The following NR2F1-AS1 variants were observed in gnomAD, a reference collection of about 807,000 sequenced individuals.
NR2F1-AS1 encodes NR2F1 antisense RNA 1.
intron 4 of NR2F1-AS1, among the ~76,000 whole-genome samples, chr5:93,467,082 A>C (rs995630235): frequency 3.9e-5 from 6 of 152,036 alleles, no homozygotes; most frequent in Non-Finnish European, 7.4e-5. Flanking sequence ...CTGTAGTTTT[A>C]GTAGAGATGC....
At chr5:93,540,744 AAC>A (rs1176275456) in intron 4 of NR2F1-AS1, among the ~76,000 whole-genome samples, 1 of 152,196 alleles carries the variant, frequency 6.6e-6, no homozygotes, top group African/African-American at 2.4e-5. Flanking sequence ...AAAAATTTAA[AAC>A]ACACACACAA....
At chr5:93,514,133 A>G (rs933314989) in intron 4 of NR2F1-AS1, among the ~76,000 whole-genome samples, 4 of 152,252 alleles carry the variant, frequency 2.6e-5, no homozygotes, top group East Asian at 1.9e-4. Flanking sequence ...CAAAGTCAGC[A>G]TAACACTGCT....
chr5:93,507,310 T>G (rs958003526), intron 4 of NR2F1-AS1, among the ~76,000 whole-genome samples: 1 of 150,150 alleles, frequency 6.7e-6, no homozygotes, highest in African/African-American at 2.4e-5. Flanking sequence ...TCCTAACCAG[T>G]TTTTTGGGAT....
intron 4 of NR2F1-AS1, among the ~76,000 whole-genome samples, chr5:93,448,821 C>T (rs1248695593): frequency 6.6e-6 from 1 of 152,182 alleles, no homozygotes; most frequent in Non-Finnish European, 1.5e-5. Flanking sequence ...GGGAGGGCCA[C>T]TTGCTTTACT....
chr5:93,569,398 T>C (rs1446072902), intron 1 of NR2F1-AS1, among the ~76,000 whole-genome samples: 1 of 152,140 alleles, frequency 6.6e-6, no homozygotes, highest in East Asian at 1.9e-4. Flanking sequence ...ATTAGAAAGC[T>C]TTTTGCACTG....
At chr5:93,561,381 T>C (rs751554573) in intron 2 of NR2F1-AS1, among the ~76,000 whole-genome samples, 6 of 152,254 alleles carry the variant, frequency 3.9e-5, no homozygotes, top group Non-Finnish European at 8.8e-5. Context: ...TAGTGAGTTA[T>C]AAAAATATGT....
Position 93,426,807 on chromosome 5 carries a change from G to A in NR2F1-AS1, n.639-31265C>T, listed in dbSNP as rs186803451. On this transcript the variant is annotated intron_variant and non_coding_transcript_variant, in intron 4 of 5. Coordinates refer to ENST00000660523, the Ensembl canonical transcript of NR2F1-AS1. ...TAAAGAGTGGCAGATAAACAACTTC[G>A]CAGTTTTACTGAGAGCTGGGCTTGT... 4.6e-5 allele frequency among the ~76,000 whole-genome samples: 7 copies of A among 152,262 alleles called. No homozygotes were observed. The East Asian group carries it at 5.8e-4, about 13-fold the overall frequency.
chr5:93,525,633 G>C (rs1040199655), intron 4 of NR2F1-AS1, among the ~76,000 whole-genome samples: 9 of 152,106 alleles, frequency 5.9e-5, no homozygotes, highest in African/African-American at 2.2e-4. Context: ...AAATGCAAAA[G>C]AACAGAAAAC....
chr5:93,499,003 G>C (rs1751021343), intron 4 of NR2F1-AS1, among the ~76,000 whole-genome samples: 1 of 151,906 alleles, frequency 6.6e-6, no homozygotes. Flanking sequence ...AAAATAAAAA[G>C]GAAAAGCAAG....
intron 4 of NR2F1-AS1, among the ~76,000 whole-genome samples, chr5:93,468,468 A>C (rs909304279): frequency 2.0e-5 from 3 of 152,142 alleles, no homozygotes. Flanking sequence ...GTGTCTGTTC[A>C]TATCCTTTGC....
chr5:93,540,288 G>C (rs918603256), intron 4 of NR2F1-AS1, among the ~76,000 whole-genome samples: 2 of 152,176 alleles, frequency 1.3e-5, no homozygotes, highest in Non-Finnish European at 2.9e-5. Context: ...GAATATGTCT[G>C]ATGAGTGTCT....
chr5:93,526,229 T>C (rs1161054632), intron 4 of NR2F1-AS1, among the ~76,000 whole-genome samples: 3 of 152,142 alleles, frequency 2.0e-5, no homozygotes, highest in Admixed American at 6.6e-5. Flanking sequence ...TAAATACCTC[T>C]ATGCAAGTAA....
chr5:93,433,100 T>C (rs1580218579), intron 4 of NR2F1-AS1, among the ~76,000 whole-genome samples: 1 of 152,282 alleles, frequency 6.6e-6, no homozygotes, highest in Middle Eastern at 3.4e-3. Context: ...TTCTGATACA[T>C]TGTGGCAGTT....
chr5:93,513,503 A>G (rs893183182), intron 4 of NR2F1-AS1, among the ~76,000 whole-genome samples: 9 of 152,130 alleles, frequency 5.9e-5, no homozygotes, highest in Non-Finnish European at 1.0e-4. Flanking sequence ...AGAAAATCAA[A>G]TCCTTTGTAA....
At chr5:93,515,917 A>G (rs372192818) in intron 4 of NR2F1-AS1, among the ~76,000 whole-genome samples, 2 of 151,930 alleles carry the variant, frequency 1.3e-5, no homozygotes, top group African/African-American at 4.8e-5. Flanking sequence ...CAACCAATGA[A>G]GACTTCAAGG....
At chr5:93,562,102 C>T (rs1288253223) in intron 2 of NR2F1-AS1, among the ~76,000 whole-genome samples, 1 of 143,742 alleles carries the variant, frequency 7.0e-6, no homozygotes, top group Non-Finnish European at 1.5e-5. Context: ...AATCCCAGCA[C>T]TTTGGGAGGC....
intron 4 of NR2F1-AS1, among the ~76,000 whole-genome samples, chr5:93,533,309 T>C (rs1425824074): frequency 6.6e-6 from 1 of 152,176 alleles, no homozygotes; most frequent in African/African-American, 2.4e-5. Context: ...TCATTTATTA[T>C]TCAATGGATT....
At chr5:93,474,840 C>T (rs1750445607) in intron 4 of NR2F1-AS1, among the ~76,000 whole-genome samples, 1 of 152,146 alleles carries the variant, frequency 6.6e-6, no homozygotes, top group Non-Finnish European at 1.5e-5. Context: ...AAGATGATTT[C>T]CCGGCCAGGT....
At chr5:93,444,810 C>G (rs1749659459) in intron 4 of NR2F1-AS1, among the ~76,000 whole-genome samples, 3 of 152,160 alleles carry the variant, frequency 2.0e-5, no homozygotes, top group Admixed American at 6.5e-5. Flanking sequence ...GTAAAGCACT[C>G]CTCAGAAAAT....
Sources: allele counts gnomAD v4.1 joint callset (sites outside exome capture counted in the v4.1 genomes callset), GRCh38; gene constraint gnomAD v4.1.1; transcripts MANE v1.5; gene names NCBI Gene and HGNC (gene_info 2026-07-23, HGNC 2026-07-21).